Variants in NALCN observed in about 807,000 individuals in gnomAD.
NALCN encodes the protein sodium leak channel NALCN.
Under a neutral mutation model 225.3 loss-of-function variants are expected in NALCN, and 111 were observed. That is an observed-to-expected ratio of 0.49 (90% CI 0.42 to 0.58). The LOEUF is 0.58. NALCN is among the 20% of genes least tolerant of loss of function. The pLI, the probability that NALCN is intolerant of heterozygous loss-of-function variation, is 0.00. For synonymous variants in NALCN, 764 were observed against 769.0 expected, an observed-to-expected ratio of 0.99 and a Z score of 0.11; for missense variants, 1,378 against 2,202.4, an observed-to-expected ratio of 0.63 and a Z score of 7.49.
chr13:101,376,636 T>C, intron 6 of NALCN, 64 bp downstream of exon 6: 2 of 1,526,746 alleles, frequency 1.3e-6, no homozygotes, highest in African/African-American at 1.4e-5. Context: ...GTTATTCTTA[T>C]GAAAATTACA....
intron 6 of NALCN, among the ~76,000 whole-genome samples, chr13:101,367,212 C>A (rs907481139): frequency 1.3e-5 from 2 of 151,852 alleles, no homozygotes; most frequent in Non-Finnish European, 2.9e-5. Context: ...CTTAAATCTA[C>A]CATCCCAGTT....
At chr13:101,201,848 A>T (rs1187688660) in intron 13 of NALCN, among the ~76,000 whole-genome samples, 1 of 152,186 alleles carries the variant, frequency 6.6e-6, no homozygotes, top group East Asian at 1.9e-4. Flanking sequence ...TCTACAAAAA[A>T]AGTTGCTTTC....
chr13:101,179,622 T>A (rs1201673318), intron 14 of NALCN, among the ~76,000 whole-genome samples: 1 of 152,150 alleles, frequency 6.6e-6, no homozygotes, highest in Non-Finnish European at 1.5e-5. Context: ...CCATCCCCCA[T>A]CAGGGGAACT....
rs745914889 is a variant in NALCN at position 101,209,778 on chromosome 13, GA to G, written c.1627-17725del. ...GGCTTTACTTCATTTTACTCAACTT[GA>G]AATGACTTGGTTTATCCCAAGAGAC... On this transcript the variant is annotated intron_variant, in intron 13 of 43. Coordinates refer to ENST00000251127, the MANE Select transcript of NALCN (RefSeq NM_052867.4). Among the ~76,000 whole-genome samples the G allele has an allele frequency of 1.0e-3, 156 of 152,200 alleles. 1 individual carries two copies. The highest frequency in any genetic ancestry group is 1.9e-3 in the Non-Finnish European group (131 of 67,998).
intron 10 of NALCN, among the ~76,000 whole-genome samples, chr13:101,281,624 C>T (rs1205909169): frequency 6.6e-6 from 1 of 152,128 alleles, no homozygotes; most frequent in Non-Finnish European, 1.5e-5. Flanking sequence ...AGCTTTTCTA[C>T]TTATTGCCCT....
intron 1 of NALCN, among the ~76,000 whole-genome samples, chr13:101,413,176 T>C (rs2047837377): frequency 6.6e-6 from 1 of 152,192 alleles, no homozygotes; most frequent in African/African-American, 2.4e-5. Flanking sequence ...CTTTAGGAAA[T>C]CAATTTAAAG....
intron 6 of NALCN, among the ~76,000 whole-genome samples, chr13:101,369,882 C>T (rs140629593): frequency 6.6e-6 from 1 of 152,194 alleles, no homozygotes; most frequent in Non-Finnish European, 1.5e-5. Flanking sequence ...TCACCACTTG[C>T]TTCAATTTTC....
intron 20 of NALCN, among the ~76,000 whole-genome samples, chr13:101,108,607 C>T (rs889030403): frequency 1.3e-5 from 2 of 152,102 alleles, no homozygotes; most frequent in African/African-American, 4.8e-5. Context: ...TGTGGTAGGA[C>T]TACAGAAATG....
At chr13:101,230,252 T>C (rs2041293211) in intron 12 of NALCN, among the ~76,000 whole-genome samples, 1 of 152,212 alleles carries the variant, frequency 6.6e-6, no homozygotes, top group East Asian at 1.9e-4. Flanking sequence ...ACTCAACCTG[T>C]ATTAGTTATA....
chr13:101,175,096 A>G (rs1594366190), intron 15 of NALCN, among the ~76,000 whole-genome samples: 1 of 152,206 alleles, frequency 6.6e-6, no homozygotes, highest in African/African-American at 2.4e-5. Context: ...AGAATCTATC[A>G]CTGCTGCCAC....
intron 7 of NALCN, among the ~76,000 whole-genome samples, chr13:101,333,093 A>C (rs1051786182): frequency 1.3e-5 from 2 of 152,228 alleles, no homozygotes; most frequent in Non-Finnish European, 2.9e-5. Context: ...TATATTATTT[A>C]TGAGTACATC....
In NALCN at chr13:101,307,520, C is replaced by T. The variant is rs185748141; in HGVS notation, c.800-15154G>A. Among the ~76,000 whole-genome samples the T allele has an allele frequency of 5.9e-5, 9 of 152,306 alleles. No individual in the cohort carries two copies. In the East Asian group the frequency reaches 1.5e-3, roughly 26 times the overall value. The stretch of plus-strand genomic sequence containing the variant: ...AGCGGCATTCCAATGAATCCGTGCT[C>T]GCCTCCACAGACTATGTTCTTTCCA... On this transcript the variant is annotated intron_variant, in intron 7 of 43. Coordinates refer to ENST00000251127, the MANE Select transcript of NALCN (RefSeq NM_052867.4).
At chr13:101,184,618 T>C (rs1171129216) in intron 14 of NALCN, among the ~76,000 whole-genome samples, 2 of 152,248 alleles carry the variant, frequency 1.3e-5, no homozygotes, top group Non-Finnish European at 2.9e-5. Flanking sequence ...TTCTTCCAAT[T>C]TTGTTGTGAT....
At chr13:101,080,540 AAAT>A (rs907108995) in intron 34 of NALCN, among the ~76,000 whole-genome samples, 74 of 128,376 alleles carry the variant, frequency 5.8e-4, no homozygotes, top group Admixed American at 1.4e-3. Flanking sequence ...ATAAGTATAT[AAAT>A]AATAATTATA....
intron 6 of NALCN, among the ~76,000 whole-genome samples, chr13:101,358,287 A>G (rs1351175322): frequency 2.5e-4 from 38 of 152,204 alleles, no homozygotes; most frequent in Non-Finnish European, 4.4e-5. Context: ...AAATTTTTGC[A>G]ATCTACCCAT....
chr13:101,345,487 G>T, intron 6 of NALCN, 67 bp from the exon 7 acceptor site: 1 of 1,544,590 alleles, frequency 6.5e-7, no homozygotes, highest in Non-Finnish European at 8.8e-7. Flanking sequence ...AATGAATAAT[G>T]TAATTACCCT....
intron 11 of NALCN, among the ~76,000 whole-genome samples, chr13:101,243,564 G>A (rs2041809459): frequency 9.5e-6 from 1 of 104,890 alleles, no homozygotes; most frequent in Non-Finnish European, 2.1e-5. Flanking sequence ...TGATGTAATT[G>A]TCGTTTGTCT....
At chr13:101,179,610 C>T (rs974438474) in intron 14 of NALCN, among the ~76,000 whole-genome samples, 4 of 152,070 alleles carry the variant, frequency 2.6e-5, no homozygotes, top group African/African-American at 7.2e-5. Context: ...GTAATATGTC[C>T]TCCATCCCCC....
chr13:101,357,413 A>G (rs1280388547), intron 6 of NALCN, among the ~76,000 whole-genome samples: 1 of 152,176 alleles, frequency 6.6e-6, no homozygotes, highest in African/African-American at 2.4e-5. Context: ...GAGCCAAATC[A>G]TGAATGAACT....
Sources: allele counts gnomAD v4.1 joint callset (sites outside exome capture counted in the v4.1 genomes callset), GRCh38; gene constraint gnomAD v4.1.1; transcripts MANE v1.5; gene names NCBI Gene and HGNC (gene_info 2026-07-23, HGNC 2026-07-21).